Variants in KLF7 observed in about 807,000 individuals in gnomAD.
KLF7 encodes KLF transcription factor 7.
In KLF7, 2 loss-of-function variants were observed where a neutral mutation model predicts 27.3. That is an observed-to-expected ratio of 0.07 (90% CI 0.03 to 0.23). The LOEUF (loss-of-function observed/expected upper bound fraction) is 0.23, where lower values mean the gene tolerates loss of function less well. Among genes scored for constraint, KLF7 ranks in the 10% least tolerant of loss-of-function variants. KLF7 has a pLI of 1.00. For synonymous variants in KLF7, 165 were observed against 162.4 expected (o/e 1.02, Z -0.12); for missense variants, 221 against 394.1 (o/e 0.56, Z 3.72).
rs6721012 is a variant in KLF7, at chr2:207,128,053, T to C, written c.103-3649A>G. ...ATGAGCACACTTAGCCCAGGGATCT[T>C]GGTTTCTAAATATCATTATCCAATA... On this transcript the variant is annotated intron_variant, in intron 1 of 3. Coordinates refer to ENST00000309446, the MANE Select transcript of KLF7 (RefSeq NM_003709.4). 5.9e-5 allele frequency among the ~76,000 whole-genome samples: 9 copies of C among 152,226 alleles called. No homozygotes were observed. In the East Asian group the frequency reaches 1.7e-3, roughly 29 times the overall value.
At chr2:207,124,540 G>T in intron 1 of KLF7, 136 bp from the exon 2 acceptor site, 1 of 783,388 alleles carries the variant, frequency 1.3e-6, no homozygotes, top group Non-Finnish European at 2.0e-6. Flanking sequence ...TTAGTAGAAG[G>T]TCTGACCTTG....
chr2:207,113,265 C>T (rs2077083156), intron 2 of KLF7, among the ~76,000 whole-genome samples: 1 of 151,976 alleles, frequency 6.6e-6, no homozygotes, highest in African/African-American at 2.4e-5. Flanking sequence ...TCCTGAAGAC[C>T]AAAGCTGTCA....
chr2:207,134,934 C>T lies in KLF7; in HGVS notation c.103-10530G>A, dbSNP rs189101143. 5.6e-4 allele frequency among the ~76,000 whole-genome samples: 86 copies of T among 152,350 alleles called. 1 individual carries two copies. Among genetic ancestry groups the T allele is most frequent in the Non-Finnish European group, 1.0e-3 (68 of 68,028 alleles). The stretch of plus-strand genomic sequence containing the variant: ...AGTACTTGGAAGGGCTGGGCATGCA[C>T]ACTCTGTATGTTGTAGCTATTCAAT... On this transcript the variant is annotated intron_variant, in intron 1 of 3. Coordinates refer to ENST00000309446, the MANE Select transcript of KLF7 (RefSeq NM_003709.4).
At chr2:207,148,435 TCCCA>T (rs1409161418) in intron 1 of KLF7, among the ~76,000 whole-genome samples, 1 of 151,884 alleles carries the variant, frequency 6.6e-6, no homozygotes, top group Non-Finnish European at 1.5e-5. Flanking sequence ...CGGTACTGCT[TCCCA>T]TGGTCATTCT....
intron 1 of KLF7, 29 bp from the exon 2 acceptor site, chr2:207,124,433 C>T (rs2077425356): frequency 6.5e-7 from 1 of 1,533,596 alleles, no homozygotes; most frequent in South Asian, 1.3e-5. Flanking sequence ...GGGAGAGAAA[C>T]AGCCATCAGA....
intron 3 of KLF7, among the ~76,000 whole-genome samples, chr2:207,086,186 C>T (rs189118276): frequency 6.6e-6 from 1 of 152,168 alleles, no homozygotes; most frequent in South Asian, 2.1e-4. Flanking sequence ...GCGGTACCAA[C>T]AGGATGCCAT....
At chr2:207,081,614 TGC>T (rs1350718908) in intron 3 of KLF7, among the ~76,000 whole-genome samples, 2 of 152,168 alleles carry the variant, frequency 1.3e-5, no homozygotes, top group Non-Finnish European at 2.9e-5. Context: ...AGGATCTCAG[TGC>T]ATGTTAACTG....
intron 1 of KLF7, among the ~76,000 whole-genome samples, chr2:207,163,247 T>C (rs2078600245): frequency 6.6e-6 from 1 of 152,216 alleles, no homozygotes; most frequent in Non-Finnish European, 1.5e-5. Flanking sequence ...TGCATCAGCA[T>C]TGGCTATAAG....
At position 207,143,227 on chromosome 2, in the gene KLF7, T is replaced by C. The variant is rs1405751673; in HGVS notation, c.103-18823A>G. On this transcript the variant is annotated intron_variant, in intron 1 of 3. Transcript: ENST00000309446. ...AGCACAGAATTAAACTCATCTCTGA[T>C]TTGCCTGGTAGCTGAAGCAAAAAGA... Among the ~76,000 whole-genome samples the C allele has an allele frequency of 2.0e-5, 3 of 152,178 alleles. No individual in the cohort carries two copies. The East Asian group carries it at 5.8e-4, about 29-fold the overall frequency.
chr2:207,165,604 T>TC lies in KLF7; in HGVS notation c.-37dup. The TC allele has an allele frequency of 6.2e-7, 1 of 1,611,560 alleles. No individual in the cohort carries two copies. On this transcript the variant is annotated 5_prime_UTR_variant, in exon 1 of 4. Transcript: ENST00000309446. ...CCGGGCAAAACGGGAGGCGAAACCC[T>TC]CCCCCGAACACAGTTGGGGCTGTTT...
chr2:207,113,138 C>T (rs2077080224), intron 2 of KLF7, among the ~76,000 whole-genome samples: 1 of 152,216 alleles, frequency 6.6e-6, no homozygotes, highest in Non-Finnish European at 1.5e-5. Flanking sequence ...AATAAGGTGG[C>T]ACTATCCTTA....
chr2:207,129,097 G>T (rs2077555194), intron 1 of KLF7, among the ~76,000 whole-genome samples: 1 of 152,182 alleles, frequency 6.6e-6, no homozygotes, highest in Non-Finnish European at 1.5e-5. Context: ...ATTTCTGTAA[G>T]TCTAAACTAA....
At chr2:207,163,086 G>C (rs924525793) in intron 1 of KLF7, among the ~76,000 whole-genome samples, 3 of 152,200 alleles carry the variant, frequency 2.0e-5, no homozygotes, top group Admixed American at 1.3e-4. Flanking sequence ...TTTGGGAGGG[G>C]GAAGAAGGAA....
upstream of KLF7, among the ~76,000 whole-genome samples, chr2:207,167,600 T>TG (rs1397150120): frequency 1.3e-5 from 2 of 152,246 alleles, no homozygotes; most frequent in Non-Finnish European, 2.9e-5. Flanking sequence ...TTTATTTACT[T>TG]GTTAGTGTCT....
rs67380335 is a variant in KLF7, at chr2:207,152,272, T to TACACACAC, written c.102+13187_102+13194dup. On this transcript the variant is annotated intron_variant, in intron 1 of 3. Transcript: ENST00000309446. ...CTAAGAACTGGTTACATGTTTTTCTTACACACACACACACACACACACACA... is the reference window on the plus strand; with the variant it reads ...CTAAGAACTGGTTACATGTTTTTCTTACACACACACACACACACACACACACACACACA... Among the ~76,000 whole-genome samples the TACACACAC allele has an allele frequency of 2.9e-3, 435 of 150,572 alleles. 3 individuals are homozygous for TACACACAC. The highest frequency in any genetic ancestry group is 9.9e-3 in the African/African-American group (401 of 40,682).
chr2:207,171,512 A>G (rs189591926), upstream of KLF7, among the ~76,000 whole-genome samples: 37 of 152,366 alleles, frequency 2.4e-4, 1 homozygote, highest in East Asian at 6.9e-3. Flanking sequence ...GAAACCTGTC[A>G]TGAAAGGAAG....
intron 2 of KLF7, among the ~76,000 whole-genome samples, chr2:207,106,846 G>T (rs2076896847): frequency 6.6e-6 from 1 of 152,130 alleles, no homozygotes; most frequent in African/African-American, 2.4e-5. Context: ...GAAGGGTGGG[G>T]TCTGCTCCAC....
chr2:207,109,866 C>A (rs954871800), intron 2 of KLF7: 3 of 154,720 alleles, frequency 1.9e-5, no homozygotes, highest in African/African-American at 7.2e-5. Flanking sequence ...TTAGCATGAC[C>A]CCACAAGGCC....
intron 2 of KLF7, among the ~76,000 whole-genome samples, chr2:207,114,630 C>T (rs1299143365): frequency 2.0e-5 from 3 of 152,194 alleles, no homozygotes; most frequent in African/African-American, 7.2e-5. Flanking sequence ...AACTGCTAGA[C>T]TCCTAGAACC....
Sources: allele counts gnomAD v4.1 joint callset (sites outside exome capture counted in the v4.1 genomes callset), GRCh38; gene constraint gnomAD v4.1.1; transcripts MANE v1.5; gene names NCBI Gene and HGNC (gene_info 2026-07-23, HGNC 2026-07-21).